AP3S1: variants seen among roughly 807,000 people sequenced by gnomAD.
AP3S1 encodes AP-3 complex subunit sigma-1.
In AP3S1, 12 loss-of-function variants were observed where a neutral mutation model predicts 21.3. The observed-to-expected ratio is 0.56, with a 90% CI of 0.36 to 0.91. The LOEUF (loss-of-function observed/expected upper bound fraction) is 0.91. AP3S1 is among the 40% of genes least tolerant of loss of function. AP3S1 has a pLI of 0.01. For missense variants in AP3S1, 116 were observed against 225.0 expected (o/e 0.52, Z 3.10); for synonymous variants, 48 against 78.4 (o/e 0.61, Z 2.05).
chr5:115,911,077 C>A (rs911380779), intron 5 of AP3S1, among the ~76,000 whole-genome samples: 1 of 152,064 alleles, frequency 6.6e-6, no homozygotes, highest in African/African-American at 2.4e-5. Context: ...CTATTTAAAT[C>A]AATTGCTATA....
chr5:115,857,456 G>T (rs191703404), intron 1 of AP3S1, among the ~76,000 whole-genome samples: 24 of 152,302 alleles, frequency 1.6e-4, no homozygotes, highest in Middle Eastern at 3.4e-3. Context: ...AAGTCACAGA[G>T]TTAACAAAGA....
At position 115,866,586 on chromosome 5, in the gene AP3S1, T is replaced by G. The variant is rs999990288; in HGVS notation, c.70-84T>G. 3.3e-5 allele frequency: 30 copies of G among 903,226 alleles called. No individual in the cohort carries two copies. In the African/African-American group the frequency reaches 4.6e-4, roughly 14 times the overall value. 56.0% of individuals were successfully genotyped at this position (903,226 alleles called of 1,614,324 possible). On this transcript the variant is annotated intron_variant, in intron 1 of 5. Transcript: ENST00000316788. Reference sequence around the variant, plus strand: ...CTTAGATGGATTTCCCAGACAGATATTGCTACCTTTGATTTTAAAAATTCT... The same window carrying G: ...CTTAGATGGATTTCCCAGACAGATAGTGCTACCTTTGATTTTAAAAATTCT...
At chr5:115,898,615 G>C (rs1403685280) in intron 4 of AP3S1, 1 of 152,192 alleles carries the variant, frequency 6.6e-6, no homozygotes, top group Non-Finnish European at 1.5e-5. Context: ...TCTGCATGTG[G>C]GCCAGGTCTT....
At chr5:115,872,901 TTC>T (rs1748393673) in intron 3 of AP3S1, among the ~76,000 whole-genome samples, 1 of 152,212 alleles carries the variant, frequency 6.6e-6, no homozygotes, top group East Asian at 1.9e-4. Flanking sequence ...TGCTTTCTAT[TTC>T]TCTGTTTCCC....
Position 115,847,433 on chromosome 5 carries a change from C to T in AP3S1, c.69+5327C>T, listed in dbSNP as rs549131797. ...AGGAGTTCAAGACAAGCCTGGGCAA[C>T]GTGGCAAAACCCTGTCTCTATGCCA... On this transcript the variant is annotated intron_variant, in intron 1 of 5. Transcript: ENST00000316788. 5.9e-5 allele frequency among the ~76,000 whole-genome samples: 9 copies of T among 152,230 alleles called. No homozygotes were observed. The East Asian group carries it at 9.6e-4, about 16-fold the overall frequency.
chr5:115,900,499 C>T (rs1374752488), intron 4 of AP3S1, among the ~76,000 whole-genome samples: 2 of 152,182 alleles, frequency 1.3e-5, no homozygotes, highest in Non-Finnish European at 2.9e-5. Flanking sequence ...TTTCCTGTTC[C>T]AGACATGTTG....
chr5:115,901,775 C>T (rs1751236218), intron 4 of AP3S1, among the ~76,000 whole-genome samples: 1 of 151,968 alleles, frequency 6.6e-6, no homozygotes, highest in South Asian at 2.1e-4. Context: ...GTGATCTGTC[C>T]ACCTTGTCCT....
chr5:115,859,336 A>T (rs1345724484), intron 1 of AP3S1, among the ~76,000 whole-genome samples: 1 of 152,174 alleles, frequency 6.6e-6, no homozygotes, highest in African/African-American at 2.4e-5. Context: ...TTTTTTTATC[A>T]TTCTTGAGAA....
At chr5:115,865,133 A>G (rs551556583) in intron 1 of AP3S1, among the ~76,000 whole-genome samples, 5 of 151,962 alleles carry the variant, frequency 3.3e-5, no homozygotes, top group Admixed American at 2.0e-4. Context: ...TGCCTTTGCC[A>G]TACTTAAGAC....
At chr5:115,858,803 A>G (rs1018228137) in intron 1 of AP3S1, among the ~76,000 whole-genome samples, 34 of 150,440 alleles carry the variant, frequency 2.3e-4, no homozygotes, top group African/African-American at 8.2e-4. Flanking sequence ...CTGTTATTTT[A>G]TAGTTGTATT....
intron 1 of AP3S1, among the ~76,000 whole-genome samples, chr5:115,860,978 A>T (rs1763133145): frequency 6.6e-6 from 1 of 152,160 alleles, no homozygotes; most frequent in Non-Finnish European, 1.5e-5. Flanking sequence ...TTACAAATTT[A>T]TTTATTCAAT....
At chr5:115,911,789 G>A (rs545130213) in intron 5 of AP3S1, among the ~76,000 whole-genome samples, 5 of 151,854 alleles carry the variant, frequency 3.3e-5, no homozygotes, top group Non-Finnish European at 1.5e-5. Flanking sequence ...TGGGGGAGCA[G>A]GAAGGAAGGG....
chr5:115,869,286 A>G (rs968605418), intron 2 of AP3S1, among the ~76,000 whole-genome samples: 4 of 152,166 alleles, frequency 2.6e-5, no homozygotes, highest in African/African-American at 4.8e-5. Flanking sequence ...TTTGGAAGAG[A>G]TCTTGACGGT....
chr5:115,900,976 A>C (rs1751157294), intron 4 of AP3S1, among the ~76,000 whole-genome samples: 1 of 152,148 alleles, frequency 6.6e-6, no homozygotes, highest in African/African-American at 2.4e-5. Flanking sequence ...TCTCATTATA[A>C]AAATATGTGT....
chr5:115,889,513 C>G (rs1750094149), intron 3 of AP3S1, among the ~76,000 whole-genome samples: 1 of 151,926 alleles, frequency 6.6e-6, no homozygotes, highest in Non-Finnish European at 1.5e-5. Flanking sequence ...TTAAAGTGGA[C>G]ATAAAACAAT....
At chr5:115,848,125 C>T (rs1762190001) in intron 1 of AP3S1, among the ~76,000 whole-genome samples, 1 of 144,024 alleles carries the variant, frequency 6.9e-6, no homozygotes, top group African/African-American at 2.8e-5. Context: ...TAAAAGAAGG[C>T]CTTACGTGAC....
intron 4 of AP3S1, among the ~76,000 whole-genome samples, chr5:115,895,695 AT>A (rs1282874786): frequency 1.3e-5 from 2 of 152,068 alleles, no homozygotes; most frequent in East Asian, 1.9e-4. Context: ...TTGTTTGTAT[AT>A]TTTTTTGATA....
At chr5:115,908,238 A>C (rs1751817998) in intron 5 of AP3S1, among the ~76,000 whole-genome samples, 1 of 152,170 alleles carries the variant, frequency 6.6e-6, no homozygotes, top group African/African-American at 2.4e-5. Flanking sequence ...ACCATTGGTC[A>C]GAATTATTGC....
chr5:115,860,512 C>T (rs980148536), intron 1 of AP3S1, among the ~76,000 whole-genome samples: 1 of 152,140 alleles, frequency 6.6e-6, no homozygotes, highest in Non-Finnish European at 1.5e-5. Flanking sequence ...GATCCTTCTG[C>T]TTTTCAAACA....
Sources: gnomAD v4.1 joint callset for allele counts (sites outside exome capture counted in the v4.1 genomes callset) on GRCh38, gnomAD v4.1.1 for gene constraint, MANE v1.5 for transcripts, NCBI Gene and HGNC (gene_info 2026-07-23, HGNC 2026-07-21) for gene names.